HDAC9: variants seen among roughly 807,000 people sequenced by gnomAD.
HDAC9 encodes histone deacetylase 9, also known as MEF-2 interacting transcription repressor (MITR) protein.
In HDAC9, 41 loss-of-function variants were observed where a neutral mutation model predicts 139.4. The ratio of observed to expected loss-of-function variants is 0.29; its 90% CI spans 0.23 to 0.38. The LOEUF (loss-of-function observed/expected upper bound fraction) is 0.38. Ranked by LOEUF, HDAC9 falls within the 10% of genes least tolerant of loss-of-function variation. The pLI is 1.00. For missense variants in HDAC9, 1,147 were observed against 1,297.0 expected (o/e 0.88, Z 1.78); for synonymous variants, 517 against 476.2 (o/e 1.09, Z -1.12).
chr7:18,324,554 C>A (rs1293587879), intron 1 of HDAC9, among the ~76,000 whole-genome samples: 1 of 152,102 alleles, frequency 6.6e-6, no homozygotes, highest in Admixed American at 6.6e-5. Flanking sequence ...TACGGTTTTT[C>A]TTGGGTGCTG....
At chr7:18,352,957 C>A (rs1437734808) in intron 1 of HDAC9, among the ~76,000 whole-genome samples, 1 of 152,078 alleles carries the variant, frequency 6.6e-6, no homozygotes, top group Non-Finnish European at 1.5e-5. Flanking sequence ...AGTACCTTAA[C>A]AAATCAGCAA....
Position 18,334,755 on chromosome 7 carries a change from AG to A in HDAC9, c.-42+44242del, listed in dbSNP as rs542420194. Among the ~76,000 whole-genome samples, 454 of 151,696 alleles carry A rather than the reference AG, an allele frequency of 3.0e-3. 2 individuals carry two copies. Among genetic ancestry groups the A allele is most frequent in the African/African-American group, 0.01 (433 of 41,470 alleles). On this transcript the variant is annotated intron_variant, in intron 1 of 3. Transcript: ENST00000413509. The stretch of plus-strand genomic sequence containing the variant: ...TTTTAGGAATATATGAAGAGGGTGG[AG>A]GAGTTAGCACCACAGAGGAAGTTCA...
At chr7:18,320,785 T>C (rs1438589921) in intron 1 of HDAC9, among the ~76,000 whole-genome samples, 2 of 152,140 alleles carry the variant, frequency 1.3e-5, no homozygotes, top group East Asian at 3.9e-4. Context: ...GTCACAATAG[T>C]GTTGTGGAAA....
intron 1 of HDAC9, among the ~76,000 whole-genome samples, chr7:18,388,535 T>C (rs1387423529): frequency 6.6e-6 from 1 of 152,230 alleles, no homozygotes. Context: ...AGTTTCTTAG[T>C]ACTTTAGTTC....
intron 1 of HDAC9, among the ~76,000 whole-genome samples, chr7:18,340,734 T>G (rs1278197881): frequency 2.0e-5 from 3 of 151,630 alleles, no homozygotes; most frequent in African/African-American, 7.2e-5. Context: ...TTTATGAGTT[T>G]TGTTTAAACA....
At chr7:18,908,106 A>ACTATGCATCAATTT (rs1802427017) in intron 22 of HDAC9, among the ~76,000 whole-genome samples, 1 of 152,078 alleles carries the variant, frequency 6.6e-6, no homozygotes, top group South Asian at 2.1e-4. Flanking sequence ...TGAGACATGA[A>ACTATGCATCAATTT]ATGTCTCAAA....
intron 22 of HDAC9, among the ~76,000 whole-genome samples, chr7:18,914,125 C>T (rs1802980586): frequency 6.6e-6 from 1 of 151,768 alleles, no homozygotes; most frequent in Non-Finnish European, 1.5e-5. Flanking sequence ...TGTCTTGCCT[C>T]TCACACCATG....
intron 1 of HDAC9, among the ~76,000 whole-genome samples, chr7:18,403,598 A>T (rs1195048612): frequency 6.6e-6 from 1 of 152,236 alleles, no homozygotes; most frequent in Admixed American, 6.5e-5. Flanking sequence ...ATGAATAATG[A>T]GTAAATGAAA....
chr7:18,678,971 A>T (rs564969259), intron 12 of HDAC9, among the ~76,000 whole-genome samples: 11 of 151,916 alleles, frequency 7.2e-5, no homozygotes, highest in Non-Finnish European at 1.2e-4. Context: ...AGTTCTCTGG[A>T]GCATTTAACA....
chr7:18,372,314 A>G (rs1784652987), intron 1 of HDAC9, among the ~76,000 whole-genome samples: 1 of 152,204 alleles, frequency 6.6e-6, no homozygotes, highest in Non-Finnish European at 1.5e-5. Flanking sequence ...TAGCTGGTCT[A>G]CCAAGGGCTT....
At chr7:18,495,700 A>C (rs931767476), upstream of HDAC9, 1 of 977,228 alleles carries the variant, frequency 1.0e-6, no homozygotes, top group Non-Finnish European at 1.2e-6. Flanking sequence ...ATGCAAATGG[A>C]TTATCACTCG....
At chr7:18,160,470 G>A (rs918421483) in intron 1 of HDAC9, among the ~76,000 whole-genome samples, 2 of 152,144 alleles carry the variant, frequency 1.3e-5, no homozygotes, top group African/African-American at 4.8e-5. Context: ...TAGCATCTCA[G>A]TTTTCTCACC....
At chr7:18,384,566 A>G (rs1182513312) in intron 1 of HDAC9, among the ~76,000 whole-genome samples, 2 of 152,184 alleles carry the variant, frequency 1.3e-5, no homozygotes, top group African/African-American at 2.4e-5. Flanking sequence ...TTCCCTTAAC[A>G]GCTTATTGAA....
chr7:18,442,492 C>G (rs1232697932), intron 1 of HDAC9, among the ~76,000 whole-genome samples: 1 of 152,280 alleles, frequency 6.6e-6, no homozygotes, highest in African/African-American at 2.4e-5. Flanking sequence ...CCACCTTTCC[C>G]CAATCTTTGC....
At chr7:18,288,380 C>T (rs538584483), upstream of HDAC9, among the ~76,000 whole-genome samples, 1 of 152,232 alleles carries the variant, frequency 6.6e-6, no homozygotes, top group Non-Finnish European at 1.5e-5. Flanking sequence ...TTATCACTTG[C>T]CTGTAAGCCT....
At chr7:18,955,232 A>C (rs899613449) in intron 24 of HDAC9, among the ~76,000 whole-genome samples, 3 of 152,140 alleles carry the variant, frequency 2.0e-5, no homozygotes, top group Non-Finnish European at 4.4e-5. Flanking sequence ...GACAGAGACA[A>C]AGCAGCGAAG....
chr7:18,422,278 C>T (rs999150256), intron 1 of HDAC9, among the ~76,000 whole-genome samples: 4 of 152,006 alleles, frequency 2.6e-5, no homozygotes. Context: ...TCATTTAATC[C>T]TATTCTATTT....
At chr7:18,752,603 G>A (rs1408648015) in intron 14 of HDAC9, among the ~76,000 whole-genome samples, 1 of 152,024 alleles carries the variant, frequency 6.6e-6, no homozygotes, top group Non-Finnish European at 1.5e-5. Flanking sequence ...GTACCAGGCG[G>A]GATGTCTTAG....
intron 2 of HDAC9, among the ~76,000 whole-genome samples, chr7:18,569,111 G>A (rs796125651): frequency 7.2e-5 from 11 of 151,990 alleles, no homozygotes; most frequent in African/African-American, 1.2e-4. Flanking sequence ...TCAGGAGTTC[G>A]CAAACTTTCT....
Sources: gnomAD v4.1 joint callset for allele counts (sites outside exome capture counted in the v4.1 genomes callset) on GRCh38, gnomAD v4.1.1 for gene constraint, MANE v1.5 for transcripts, NCBI Gene and HGNC (gene_info 2026-07-23, HGNC 2026-07-21) for gene names.